DDX1: variants seen among roughly 807,000 people sequenced by gnomAD.
DDX1 encodes ATP-dependent RNA helicase DDX1.
DDX1 carries 28 observed loss-of-function variants against 108.7 expected under a neutral mutation model. The observed-to-expected ratio is 0.26, with a 90% CI of 0.19 to 0.35. DDX1 has a LOEUF of 0.35. DDX1 is among the 10% of genes least tolerant of loss of function. The pLI, the probability that DDX1 is intolerant of heterozygous loss-of-function variation, is 1.00. For missense variants in DDX1, 710 were observed against 884.5 expected (o/e 0.80, Z 2.50); for synonymous variants, 295 against 288.9 (o/e 1.02, Z -0.21).
chr2:15,628,504 C>A lies in DDX1; in HGVS notation c.1746C>A (p.His582Gln). The A allele has an allele frequency of 6.2e-7, 1 of 1,612,722 alleles. No individual in the cohort carries two copies. Among genetic ancestry groups the A allele is most frequent in the Non-Finnish European group, 8.5e-7 (1 of 1,178,894 alleles). Reference sequence around the variant, plus strand: ...TAGCTGCTAGAGGAATTGATATCCACGGTGTTCCTTATGGTAAAAAGCAAC... The same window carrying A: ...TAGCTGCTAGAGGAATTGATATCCAAGGTGTTCCTTATGGTAAAAAGCAAC... ...TDVAARGIDI[H>Q]GVPYVINVTL... Residue 582 changes from histidine to glutamine, a missense_variant, in exon 21 of 26, where the codon CAC (histidine) becomes CAA (glutamine). Physicochemically the swap from His to Gln is conservative, Grantham distance 24 (BLOSUM62 0). Coordinates refer to ENST00000233084, the MANE Select transcript of DDX1 (RefSeq NM_004939.3).
chr2:15,628,558 G>T, intron 21 of DDX1, 41 bp downstream of exon 21: 1 of 1,597,734 alleles, frequency 6.3e-7, no homozygotes, highest in East Asian at 2.2e-5. Context: ...GATTGTTACG[G>T]AATCTAAAGT....
chr2:15,617,188 A>G (rs1449958185), intron 14 of DDX1, 56 bp from the exon 15 acceptor site: 2 of 827,976 alleles, frequency 2.4e-6, no homozygotes, highest in Non-Finnish European at 3.8e-6. Flanking sequence ...TGCTATTTTA[A>G]CGTAATTATA....
chr2:15,595,239 ATAATT>A (rs1171755468), intron 2 of DDX1, 43 bp downstream of exon 2: 20 of 1,475,184 alleles, frequency 1.4e-5, no homozygotes, highest in Non-Finnish European at 1.8e-5. Flanking sequence ...AGGATGTTTT[ATAATT>A]TAAACAGTTG....
intron 10 of DDX1, among the ~76,000 whole-genome samples, 187 bp from the exon 11 acceptor site, chr2:15,605,763 A>G (rs1423476827): frequency 6.6e-6 from 1 of 152,186 alleles, no homozygotes; most frequent in Non-Finnish European, 1.5e-5. Context: ...TGAAAAATGT[A>G]GAGGGGTAGA....
At chr2:15,620,997 C>T in intron 17 of DDX1, 68 bp from the exon 18 acceptor site, 3 of 970,432 alleles carry the variant, frequency 3.1e-6, no homozygotes, top group Non-Finnish European at 4.8e-6. Flanking sequence ...CCTTTTAAAA[C>T]ATGACATATA....
At chr2:15,594,626 C>G (rs1185888448) in intron 1 of DDX1, among the ~76,000 whole-genome samples, 1 of 152,194 alleles carries the variant, frequency 6.6e-6, no homozygotes, top group Non-Finnish European at 1.5e-5. Flanking sequence ...TTGATTATGG[C>G]TGCCAATAAA....
intron 8 of DDX1, 79 bp from the exon 9 acceptor site, chr2:15,603,735 G>T (rs1665622379): frequency 1.1e-6 from 1 of 938,870 alleles, no homozygotes; most frequent in Non-Finnish European, 1.6e-6. Context: ...CATACTATGT[G>T]AATAAAATTA....
At chr2:15,626,520 A>AC (rs1472701529) in intron 19 of DDX1, among the ~76,000 whole-genome samples, 1 of 152,118 alleles carries the variant, frequency 6.6e-6, no homozygotes, top group Non-Finnish European at 1.5e-5. Context: ...GGGGTTGGCT[A>AC]CCACTGCACT....
At chr2:15,616,576 G>A (rs1317895069) in intron 14 of DDX1, among the ~76,000 whole-genome samples, 4 of 152,100 alleles carry the variant, frequency 2.6e-5, no homozygotes, top group East Asian at 1.9e-4. Context: ...CTAAACTTCC[G>A]TTTTCTCATT....
At chr2:15,605,862 T>A in intron 10 of DDX1, 88 bp from the exon 11 acceptor site, 1 of 882,128 alleles carries the variant, frequency 1.1e-6, no homozygotes, top group Non-Finnish European at 1.7e-6. Flanking sequence ...GAGGCATGAA[T>A]GCAGGTAAGC....
chr2:15,623,415 G>T (rs1295042488), intron 18 of DDX1, 21 bp from the exon 19 acceptor site: 1 of 1,610,774 alleles, frequency 6.2e-7, no homozygotes, highest in South Asian at 1.1e-5. Context: ...GTTGGTTTTT[G>T]TTGTTGTTAT....
intron 13 of DDX1, among the ~76,000 whole-genome samples, chr2:15,611,808 C>T (rs1665769386): frequency 9.4e-6 from 1 of 106,238 alleles, no homozygotes; most frequent in Non-Finnish European, 1.9e-5. Flanking sequence ...CACCTCCCTC[C>T]CGGACGGGGC....
At chr2:15,610,955 G>C (rs926293071) in intron 13 of DDX1, among the ~76,000 whole-genome samples, 1 of 150,168 alleles carries the variant, frequency 6.7e-6, no homozygotes, top group Non-Finnish European at 1.5e-5. Context: ...AGGGTCACAG[G>C]ACAATAGTGG....
chr2:15,599,840 A>T (rs1665561025), intron 6 of DDX1, 124 bp downstream of exon 6: 1 of 672,352 alleles, frequency 1.5e-6, no homozygotes, highest in South Asian at 2.0e-5. Context: ...AGTCACTATC[A>T]TTAAACAGTA....
intron 13 of DDX1, 40 bp from the exon 14 acceptor site, chr2:15,613,183 AT>A (rs3217220): frequency 0.033 from 34,362 of 1,050,976 alleles, 2 homozygotes; most frequent in Non-Finnish European, 0.037. Context: ...GCAGACTTTA[AT>A]TTTTTTTTTT....
At chr2:15,601,594 G>T (rs1444897222) in intron 6 of DDX1, among the ~76,000 whole-genome samples, 1 of 152,204 alleles carries the variant, frequency 6.6e-6, no homozygotes, top group African/African-American at 2.4e-5. Context: ...ACAGGAAGGG[G>T]CTTGGAGCTT....
intron 8 of DDX1, 89 bp downstream of exon 8, chr2:15,603,364 C>T: frequency 8.8e-6 from 8 of 905,056 alleles, no homozygotes; most frequent in Non-Finnish European, 1.4e-5. Context: ...TAAATTTAAC[C>T]ATAAAAAGGT....
In DDX1 at chr2:15,630,764, T is replaced by C; in HGVS notation, c.2093-12T>C. On this transcript the variant is annotated splice_polypyrimidine_tract_variant and intron_variant, in intron 25 of 25. Transcript: ENST00000233084. ...GTCATTTACATTACTTTGTTATTTGTGTGTGATGCAGGTGGAAGCTATAAA... is the reference window on the plus strand; with the variant it reads ...GTCATTTACATTACTTTGTTATTTGCGTGTGATGCAGGTGGAAGCTATAAA... 1.2e-6 allele frequency: 2 copies of C among 1,608,330 alleles called. No homozygotes were observed. Among genetic ancestry groups the C allele is most frequent in the Non-Finnish European group, 1.7e-6 (2 of 1,175,748 alleles).
intron 14 of DDX1, among the ~76,000 whole-genome samples, chr2:15,614,076 C>T (rs1665850728): frequency 6.6e-6 from 1 of 152,158 alleles, no homozygotes; most frequent in Non-Finnish European, 1.5e-5. Context: ...CCGCCCTGGC[C>T]TCCCAAAGTG....
Sources: gnomAD v4.1 joint callset for allele counts (sites outside exome capture counted in the v4.1 genomes callset) on GRCh38, gnomAD v4.1.1 for gene constraint, MANE v1.5 for transcripts, NCBI Gene and HGNC (gene_info 2026-07-23, HGNC 2026-07-21) for gene names.